The following PTPRT variants were observed in gnomAD, a reference collection of about 807,000 sequenced individuals.
The protein encoded by PTPRT is protein tyrosine phosphatase receptor type T.
Under a neutral mutation model 176.8 loss-of-function variants are expected in PTPRT, and 56 were observed. The ratio of observed to expected loss-of-function variants is 0.32; its 90% CI spans 0.26 to 0.40. The LOEUF (loss-of-function observed/expected upper bound fraction) is 0.40, where lower values mean the gene tolerates loss of function less well. Ranked by LOEUF, PTPRT falls within the 10% of genes least tolerant of loss-of-function variation. PTPRT has a pLI of 1.00. For missense variants in PTPRT, 1,540 were observed against 1,908.2 expected (o/e 0.81, Z 3.60); for synonymous variants, 783 against 739.0 (o/e 1.06, Z -0.96).
chr20:42,135,080 C>T (rs1049795391), intron 18 of PTPRT, among the ~76,000 whole-genome samples: 31 of 152,222 alleles, frequency 2.0e-4, no homozygotes, highest in African/African-American at 7.5e-4. Flanking sequence ...CCTGTAGACC[C>T]AGCCTATCCC....
chr20:42,295,526 A>G (rs2057374568), intron 12 of PTPRT, among the ~76,000 whole-genome samples: 1 of 152,292 alleles, frequency 6.6e-6, no homozygotes, highest in African/African-American at 2.4e-5. Flanking sequence ...TAAAAGTTTA[A>G]TATGTTTAAC....
intron 1 of PTPRT, among the ~76,000 whole-genome samples, chr20:43,017,108 T>C (rs1985408911): frequency 1.3e-5 from 2 of 152,072 alleles, no homozygotes; most frequent in South Asian, 4.1e-4. Flanking sequence ...GAATCAAAAA[T>C]ACAAGGAAAG....
At position 43,042,598 on chromosome 20, in the gene PTPRT, G is replaced by A. The variant is rs10154029; in HGVS notation, c.88+147048C>T. On this transcript the variant is annotated intron_variant, in intron 1 of 30. Coordinates refer to ENST00000373187, the MANE Select transcript of PTPRT (RefSeq NM_007050.6). ...AGCAGAGGTTTTATAACTCTCAGCT[G>A]CCTCAGAACAGAGAGCTCAATCTGT... is the stretch of plus-strand genomic sequence containing the variant. Among the ~76,000 whole-genome samples the A allele has an allele frequency of 1.5e-3, 226 of 152,226 alleles. 1 individual carries two copies. The highest frequency in any genetic ancestry group is 5.2e-3 in the African/African-American group (218 of 41,532).
intron 7 of PTPRT, among the ~76,000 whole-genome samples, chr20:42,474,149 G>A (rs745561758): frequency 5.3e-5 from 8 of 152,044 alleles, no homozygotes; most frequent in African/African-American, 1.4e-4. Context: ...ATAGTGTTCC[G>A]CATGCTGTGT....
chr20:42,678,762 A>T (rs2146072502), intron 6 of PTPRT, among the ~76,000 whole-genome samples: 1 of 152,340 alleles, frequency 6.6e-6, no homozygotes, highest in East Asian at 1.9e-4. Context: ...GTTTTCCCAG[A>T]ACACAGCAAA....
At chr20:42,567,402 C>G (rs2073060474) in intron 7 of PTPRT, among the ~76,000 whole-genome samples, 1 of 152,198 alleles carries the variant, frequency 6.6e-6, no homozygotes, top group African/African-American at 2.4e-5. Flanking sequence ...AAATGCACTT[C>G]TCTTCACCTG....
At position 42,711,667 on chromosome 20, in the gene PTPRT, T is replaced by C. The variant is rs533341471; in HGVS notation, c.860-33508A>G. Among the ~76,000 whole-genome samples the C allele has an allele frequency of 2.0e-5, 3 of 152,238 alleles. No individual in the cohort carries two copies. The South Asian group carries it at 6.2e-4, about 32-fold the overall frequency. Reference sequence around the variant, plus strand: ...GGTATTTCTTTATAGTGATTCAAAATGAACTAGCACATCTTGGATCCCATG... The same window carrying C: ...GGTATTTCTTTATAGTGATTCAAAACGAACTAGCACATCTTGGATCCCATG... On this transcript the variant is annotated intron_variant, in intron 6 of 30. Transcript: ENST00000373187.
intron 15 of PTPRT, among the ~76,000 whole-genome samples, chr20:42,227,294 A>G (rs573258518): frequency 6.6e-6 from 1 of 152,228 alleles, no homozygotes; most frequent in South Asian, 2.1e-4. Flanking sequence ...GCTAAAGCCA[A>G]CCCCAGGGGA....
intron 6 of PTPRT, among the ~76,000 whole-genome samples, chr20:42,717,075 T>C (rs1020419612): frequency 6.6e-6 from 1 of 151,900 alleles, no homozygotes; most frequent in Admixed American, 6.6e-5. Flanking sequence ...TTAGGAGATA[T>C]ACCTAATGTT....
rs754824702 is a variant in PTPRT at position 42,098,535 on chromosome 20, G to T, written c.3732C>A (p.Ala1244=). Residue 1244 remains alanine (A), a synonymous_variant, in exon 27 of 31, where the codon GCC becomes GCA. Transcript: ENST00000373187. The part of the protein sequence containing the change: ...AALMDSHKQP[A]AFVVTQHPLP... ...GAGGGTGCTGGGTGACCACGAAGGC[G>T]GCAGGCTGCTTGTGGCTCTGACAAA... 2 of 1,614,108 alleles carry T rather than the reference G, an allele frequency of 1.2e-6. No individual in the cohort carries two copies. Among genetic ancestry groups the T allele is most frequent in the Non-Finnish European group, 1.7e-6 (2 of 1,180,034 alleles).
intron 9 of PTPRT, among the ~76,000 whole-genome samples, chr20:42,373,963 G>T (rs1221181262): frequency 6.6e-6 from 1 of 152,226 alleles, no homozygotes; most frequent in African/African-American, 2.4e-5. Context: ...GCCAGAGGGT[G>T]CTGGGGTGGG....
At chr20:42,224,293 A>C (rs556764893) in intron 15 of PTPRT, among the ~76,000 whole-genome samples, 1 of 152,340 alleles carries the variant, frequency 6.6e-6, no homozygotes, top group East Asian at 1.9e-4. Context: ...GATTGTTGCA[A>C]GAAACTAAAT....
chr20:42,200,127 T>A (rs556650059), intron 15 of PTPRT, among the ~76,000 whole-genome samples: 80 of 151,966 alleles, frequency 5.3e-4, no homozygotes, highest in Non-Finnish European at 7.9e-4. Context: ...GAATTCTACA[T>A]GGCCATCAAG....
At chr20:42,600,546 T>C (rs2145787961) in intron 7 of PTPRT, among the ~76,000 whole-genome samples, 1 of 152,288 alleles carries the variant, frequency 6.6e-6, no homozygotes. Context: ...AGTTGGCTTT[T>C]AGCGTCCATA....
chr20:42,638,111 GCT>G (rs1287181401), intron 7 of PTPRT, among the ~76,000 whole-genome samples: 3 of 152,024 alleles, frequency 2.0e-5, no homozygotes, highest in Non-Finnish European at 2.9e-5. Flanking sequence ...ACAATTCAAG[GCT>G]TATTTTTATC....
chr20:42,540,405 A>C (rs2072558161), intron 7 of PTPRT, among the ~76,000 whole-genome samples: 1 of 152,152 alleles, frequency 6.6e-6, no homozygotes, highest in African/African-American at 2.4e-5. Context: ...AAAAGAAAAA[A>C]AAGAAGTGAG....
chr20:42,790,109 C>A (rs751341255), intron 3 of PTPRT, among the ~76,000 whole-genome samples: 3 of 152,054 alleles, frequency 2.0e-5, no homozygotes, highest in African/African-American at 4.8e-5. Context: ...TGAACATGTT[C>A]TGGACTGCTT....
intron 16 of PTPRT, among the ~76,000 whole-genome samples, chr20:42,184,580 T>TTCTTCTTCTTCTTCTTCC (rs1990676957): frequency 1.4e-5 from 2 of 141,374 alleles, no homozygotes; most frequent in Non-Finnish European, 3.0e-5. Flanking sequence ...CTTCTTCTTC[T>TTCTTCTTCTTCTTCTTCC]TCTTCTTCTT....
rs147615465 is a variant in PTPRT, at chr20:42,798,246, C to T, written c.215-6780G>A. ...CTTCTGAATTGTTGTTCCTATACTT[C>T]AGAGTGCATACTTCCATTATAGGTA... On this transcript the variant is annotated intron_variant, in intron 2 of 30. Coordinates refer to ENST00000373187, the MANE Select transcript of PTPRT (RefSeq NM_007050.6). Among the ~76,000 whole-genome samples the T allele has an allele frequency of 1.5e-4, 23 of 152,272 alleles. No homozygotes were observed. In the East Asian group the frequency reaches 4.4e-3, roughly 29 times the overall value.
Sources: allele counts gnomAD v4.1 joint callset (sites outside exome capture counted in the v4.1 genomes callset), GRCh38; gene constraint gnomAD v4.1.1; transcripts MANE v1.5; gene names NCBI Gene and HGNC (gene_info 2026-07-23, HGNC 2026-07-21).